The following F13B variants were observed in gnomAD, a reference collection of about 807,000 sequenced individuals.
F13B encodes TGase.
In F13B, 58 loss-of-function variants were observed where a neutral mutation model predicts 79.8. The ratio of observed to expected loss-of-function variants is 0.73; its 90% CI spans 0.59 to 0.90. The LOEUF is 0.90. Among genes scored for constraint, F13B ranks in the 40% least tolerant of loss-of-function variants. The pLI, the probability that F13B is intolerant of heterozygous loss-of-function variation, is 0.00. For missense variants in F13B, 773 were observed against 777.0 expected (o/e 0.99, Z 0.06); for synonymous variants, 283 against 260.3 (o/e 1.09, Z -0.84).
intron 10 of F13B, among the ~76,000 whole-genome samples, chr1:197,046,932 G>T (rs1460072871): frequency 6.6e-6 from 1 of 152,082 alleles, no homozygotes; most frequent in Non-Finnish European, 1.5e-5. Flanking sequence ...TTTCATAAAT[G>T]GTGTTGGGAA....
chr1:197,040,450 T>G, intron 11 of F13B, 72 bp downstream of exon 11: 1 of 1,066,314 alleles, frequency 9.4e-7, no homozygotes, highest in Non-Finnish European at 1.5e-6. Flanking sequence ...GTATAGAACA[T>G]AACATTTCTG....
Position 197,050,825 on chromosome 1 carries a change from C to G in F13B, c.1610G>C (p.Ser537Thr). Residue 537 changes from serine to threonine, a missense_variant, in exon 10 of 12, where the codon AGT becomes ACT. Ser to Thr is a moderately conservative substitution (Grantham distance 58). Transcript: ENST00000367412. ...ATTTTCATAGGTGTCTACTGTTGAACTAATAATGACTCCATGTTTAATAAG... is the reference window on the plus strand; with the variant it reads ...ATTTTCATAGGTGTCTACTGTTGAAGTAATAATGACTCCATGTTTAATAAG... ...PPLIKHGVII[S>T]STVDTYENGS... The G allele has an allele frequency of 6.2e-7, 1 of 1,613,280 alleles. No individual in the cohort carries two copies. The highest frequency in any genetic ancestry group is 8.5e-7 in the Non-Finnish European group (1 of 1,179,572).
intron 10 of F13B, among the ~76,000 whole-genome samples, 176 bp from the exon 11 acceptor site, chr1:197,040,911 C>G (rs921013034): frequency 6.6e-6 from 1 of 151,800 alleles, no homozygotes; most frequent in Non-Finnish European, 1.5e-5. Context: ...ATGTTCAAAT[C>G]TCACAGAAAA....
In F13B at chr1:197,040,522, C is replaced by T; in HGVS notation, c.1952G>A (p.Ser651Asn). The T allele has an allele frequency of 6.2e-7, 1 of 1,607,554 alleles. No individual in the cohort carries two copies. Residue 651 changes from serine to asparagine, a missense_variant and splice_region_variant, in exon 11 of 12, where the codon AGC becomes AAC. Physicochemically the swap from Ser to Asn is conservative, Grantham distance 46. Coordinates refer to ENST00000367412, the MANE Select transcript of F13B (RefSeq NM_001994.3). The stretch of plus-strand genomic sequence containing the variant: ...TGACCAAAAAAAAAAAACTTCTTAC[C>T]TTTGTCTTGGAATACATCTTGGATA... ...LKYPRCIPRQ[S>N]TLSYQEPLRT is the part of the protein sequence containing the mutation.
intron 7 of F13B, 150 bp from the exon 8 acceptor site, chr1:197,056,047 A>G: frequency 1.3e-6 from 1 of 772,374 alleles, no homozygotes; most frequent in Non-Finnish European, 2.0e-6. Context: ...TTCAGCTCAA[A>G]TATTTTTAAA....
intron 9 of F13B, among the ~76,000 whole-genome samples, chr1:197,052,146 T>A (rs563962380): frequency 2.2e-4 from 33 of 152,320 alleles, no homozygotes; most frequent in African/African-American, 7.5e-4. Flanking sequence ...CTAGAGTTTT[T>A]ATGGTTTGGG....
At chr1:197,062,812 T>C in intron 2 of F13B, 45 bp downstream of exon 2, 1 of 1,587,796 alleles carries the variant, frequency 6.3e-7, no homozygotes, top group Non-Finnish European at 8.6e-7. Context: ...ATATACAAAT[T>C]TCTTTGAGTA....
chr1:197,051,807 A>C (rs1655451489), intron 9 of F13B, among the ~76,000 whole-genome samples: 1 of 152,098 alleles, frequency 6.6e-6, no homozygotes, highest in African/African-American at 2.4e-5. Flanking sequence ...TTTGTTGGCC[A>C]CATAAATGTC....
chr1:197,042,566 C>A (rs1424281163), intron 10 of F13B, among the ~76,000 whole-genome samples: 2 of 151,076 alleles, frequency 1.3e-5, no homozygotes, highest in Non-Finnish European at 2.9e-5. Context: ...CACCTGTAAT[C>A]CCAGCACTTT....
At chr1:197,050,653 A>T in intron 10 of F13B, 44 bp downstream of exon 10, 1 of 1,547,532 alleles carries the variant, frequency 6.5e-7, no homozygotes, top group Non-Finnish European at 8.9e-7. Flanking sequence ...CAAATTAAAA[A>T]TATATAGTTT....
chr1:197,041,141 G>A lies in F13B; in HGVS notation c.1739-406C>T, dbSNP rs571436496. The stretch of plus-strand genomic sequence containing the variant: ...CAGAAAGTTCAAATAAAATTCTCAT[G>A]AGACAAATTATTAATTGCTGTATAA... On this transcript the variant is annotated intron_variant, in intron 10 of 11. Transcript: ENST00000367412. Among the ~76,000 whole-genome samples, 14 of 152,114 alleles carry A rather than the reference G, an allele frequency of 9.2e-5. No individual in the cohort carries two copies. In the South Asian group the frequency reaches 2.3e-3, roughly 25 times the overall value.
Position 197,041,408 on chromosome 1 carries a change from TA to T in F13B, c.1739-674del, listed in dbSNP as rs1248620407. Among the ~76,000 whole-genome samples, 11 of 152,324 alleles carry T rather than the reference TA, an allele frequency of 7.2e-5. No individual in the cohort carries two copies. In the East Asian group the frequency reaches 1.3e-3, roughly 19 times the overall value. On this transcript the variant is annotated intron_variant, in intron 10 of 11. Transcript: ENST00000367412. ...ACAAAAAAACCTCTTCGATTTTTTTTACAGAATAAAAACATTAATATTTCTA... is the reference window on the plus strand; with the variant it reads ...ACAAAAAAACCTCTTCGATTTTTTTTCAGAATAAAAACATTAATATTTCTA...
At chr1:197,040,341 C>T in intron 11 of F13B, 181 bp downstream of exon 11, 1 of 569,242 alleles carries the variant, frequency 1.8e-6, no homozygotes, top group Non-Finnish European at 3.1e-6. Context: ...ATTCAGAAGG[C>T]CTGTTGAATT....
rs373955291 is a variant in F13B, at chr1:197,047,321, C to A, written c.1738+3376G>T. ...GCTTAAAAAGTTTACGAGAAAAAAACAACCCCATCAAAAAGTGGGCAAAGG... is the reference window on the plus strand; with the variant it reads ...GCTTAAAAAGTTTACGAGAAAAAAAAAACCCCATCAAAAAGTGGGCAAAGG... On this transcript the variant is annotated intron_variant, in intron 10 of 11. Coordinates refer to ENST00000367412, the MANE Select transcript of F13B (RefSeq NM_001994.3). Among the ~76,000 whole-genome samples, 47 of 152,230 alleles carry A rather than the reference C, an allele frequency of 3.1e-4. No homozygotes were observed. The East Asian group carries it at 6.4e-3, about 21-fold the overall frequency.
intron 11 of F13B, 21 bp downstream of exon 11, chr1:197,040,501 C>G: frequency 1.6e-6 from 2 of 1,283,766 alleles, no homozygotes; most frequent in Non-Finnish European, 1.1e-6. Context: ...ATAATCTGAC[C>G]AAAAAAAAAA....
intron 10 of F13B, among the ~76,000 whole-genome samples, chr1:197,045,796 C>T (rs1203180186): frequency 1.3e-5 from 2 of 152,188 alleles, no homozygotes; most frequent in Admixed American, 6.5e-5. Flanking sequence ...TCCAGCAGCA[C>T]ATCAAAAAGC....
intron 5 of F13B, 47 bp downstream of exon 5, chr1:197,060,319 G>C (rs1655803691): frequency 2.1e-6 from 3 of 1,446,184 alleles, no homozygotes; most frequent in Admixed American, 3.4e-5. Flanking sequence ...AGAGATTAAA[G>C]CTGATAAAGA....
chr1:197,057,110 AT>A lies in F13B; in HGVS notation c.1073del (p.Asp358ValfsTer3), dbSNP rs1447148113. 1.9e-6 allele frequency: 3 copies of A among 1,613,742 alleles called. No homozygotes were observed. In the African/African-American group the frequency reaches 4.0e-5, roughly 22 times the overall value. The part of the protein sequence containing the change: ...NLHSKIYYNG[D>X]KVTYACKSGY... Reference sequence around the variant, plus strand: ...CGCTTTTACATGCATATGTCACTTTATCCCCATTGTAATAAATCTTAGAGTG... The same window carrying A: ...CGCTTTTACATGCATATGTCACTTTACCCCATTGTAATAAATCTTAGAGTG... On this transcript the variant is annotated frameshift_variant, in exon 7 of 12. Transcript: ENST00000367412. LOFTEE classifies it high-confidence loss of function.
chr1:197,057,107 T>C lies in F13B; in HGVS notation c.1077A>G (p.Lys359=). ...LHSKIYYNGD[K]VTYACKSGYL... ...AGCCGCTTTTACATGCATATGTCACTTTATCCCCATTGTAATAAATCTTAG... is the reference window on the plus strand; with the variant it reads ...AGCCGCTTTTACATGCATATGTCACCTTATCCCCATTGTAATAAATCTTAG... Residue 359 remains lysine, a synonymous_variant, in exon 7 of 12, where the codon AAA becomes AAG. Transcript: ENST00000367412. 6.2e-7 allele frequency: 1 copy of C among 1,613,876 alleles called. No homozygotes were observed. The highest frequency in any genetic ancestry group is 8.5e-7 in the Non-Finnish European group (1 of 1,179,888).
Sources: gnomAD v4.1 joint callset for allele counts (sites outside exome capture counted in the v4.1 genomes callset) on GRCh38, gnomAD v4.1.1 for gene constraint, MANE v1.5 for transcripts, NCBI Gene and HGNC (gene_info 2026-07-23, HGNC 2026-07-21) for gene names.